The following FAM169A variants were observed in gnomAD, a reference collection of about 807,000 sequenced individuals.
FAM169A encodes the protein family with sequence similarity 169 member A.
A neutral mutation model predicts 75.7 loss-of-function variants in FAM169A; 24 were observed. The observed-to-expected ratio is 0.32, with a 90% CI of 0.23 to 0.45. The LOEUF (loss-of-function observed/expected upper bound fraction) is 0.45. FAM169A is among the 20% of genes least tolerant of loss of function. The pLI, the probability that FAM169A is intolerant of heterozygous loss-of-function variation, is 1.00. For missense variants in FAM169A, 673 were observed against 784.0 expected, an observed-to-expected ratio of 0.86 and a Z score of 1.69; for synonymous variants, 271 against 271.0, an observed-to-expected ratio of 1.00 and a Z score of 0.00.
chr5:74,854,447 C>A (rs1749605274), intron 1 of FAM169A, among the ~76,000 whole-genome samples: 1 of 152,062 alleles, frequency 6.6e-6, no homozygotes, highest in Non-Finnish European at 1.5e-5. Context: ...AGGCATTTAT[C>A]CTTTGTGTTA....
At chr5:74,814,207 G>T (rs569005366) in intron 5 of FAM169A, among the ~76,000 whole-genome samples, 188 bp from the exon 6 acceptor site, 4 of 152,198 alleles carry the variant, frequency 2.6e-5, no homozygotes, top group Admixed American at 1.3e-4. Context: ...ATGTGATAAT[G>T]AAAGGAGCTA....
At chr5:74,814,094 C>A in intron 5 of FAM169A, 75 bp from the exon 6 acceptor site, 1 of 1,230,264 alleles carries the variant, frequency 8.1e-7, no homozygotes, top group Non-Finnish European at 1.1e-6. Flanking sequence ...CATGAGTTAA[C>A]AGTCTTTCTA....
At chr5:74,861,114 T>C (rs961480362) in intron 1 of FAM169A, among the ~76,000 whole-genome samples, 3 of 152,216 alleles carry the variant, frequency 2.0e-5, no homozygotes, top group Non-Finnish European at 4.4e-5. Flanking sequence ...CCATCCTGGG[T>C]GACAGAGTGA....
rs188933905 is a variant in FAM169A at position 74,803,064 on chromosome 5, A to G, written c.912+1429T>C. ...TTCCTTCAACTATTTAAAACATTAAAGTAATATGAAGAATATGAATTTCTA... is the reference window on the plus strand; with the variant it reads ...TTCCTTCAACTATTTAAAACATTAAGGTAATATGAAGAATATGAATTTCTA... On this transcript the variant is annotated intron_variant, in intron 8 of 12. Coordinates refer to ENST00000687041, the MANE Select transcript of FAM169A (RefSeq NM_001376049.1). Among the ~76,000 whole-genome samples, 238 of 152,222 alleles carry G rather than the reference A, an allele frequency of 1.6e-3. 3 individuals carry two copies. The highest frequency in any genetic ancestry group is 4.0e-4 in the Non-Finnish European group (27 of 67,976).
intron 4 of FAM169A, among the ~76,000 whole-genome samples, chr5:74,837,231 A>G (rs569442167): frequency 8.2e-4 from 125 of 152,216 alleles, no homozygotes; most frequent in African/African-American, 2.9e-3. Flanking sequence ...ACTTCTTTTC[A>G]CTATCAGAAC....
Position 74,840,087 on chromosome 5 carries a change from T to C in FAM169A, c.219A>G (p.Glu73=). The C allele has an allele frequency of 6.4e-7, 1 of 1,568,396 alleles. No homozygotes were observed. Among genetic ancestry groups the C allele is most frequent in the Non-Finnish European group, 8.7e-7 (1 of 1,151,916 alleles). Residue 73 remains glutamate, a synonymous_variant, in exon 3 of 13, where the codon GAA becomes GAG. Coordinates refer to ENST00000687041, the MANE Select transcript of FAM169A (RefSeq NM_001376049.1). ...TQKILALFAP[E]DSLTAVALYL... ...GCAAAAAGAGACCTGTCAGTGAATC[T>C]TCAGGTGCAAAGAGAGCAAGAATTT...
intron 5 of FAM169A, among the ~76,000 whole-genome samples, chr5:74,827,292 A>G (rs1039477038): frequency 1.3e-5 from 2 of 152,184 alleles, no homozygotes; most frequent in African/African-American, 4.8e-5. Flanking sequence ...TAGAAACTAT[A>G]ATCAATCTGG....
intron 1 of FAM169A, among the ~76,000 whole-genome samples, chr5:74,849,457 C>G: frequency 6.6e-6 from 1 of 151,580 alleles, no homozygotes; most frequent in Non-Finnish European, 1.5e-5. Context: ...AGAGGCAGAC[C>G]CAAAAAGAAG....
chr5:74,863,135 G>A (rs946656819), intron 1 of FAM169A, among the ~76,000 whole-genome samples: 1 of 151,776 alleles, frequency 6.6e-6, no homozygotes, highest in South Asian at 2.1e-4. Context: ...GCATGTAAAC[G>A]TTAAGGTATC....
intron 11 of FAM169A, among the ~76,000 whole-genome samples, chr5:74,794,513 T>G (rs1746159351): frequency 6.7e-6 from 1 of 150,362 alleles, no homozygotes; most frequent in African/African-American, 2.5e-5. Context: ...GATCAGGAGT[T>G]CAAGACCAGC....
chr5:74,834,275 T>C (rs879027641), intron 5 of FAM169A, 151 bp downstream of exon 5: 60 of 428,244 alleles, frequency 1.4e-4, no homozygotes, highest in Admixed American at 1.1e-3. Context: ...TGTCATAGGA[T>C]GGTAGAATCA....
At chr5:74,799,846 A>G in intron 10 of FAM169A, 1 of 1,030,194 alleles carries the variant, frequency 9.7e-7, no homozygotes, top group South Asian at 1.3e-5. Context: ...TTTGTCTCCA[A>G]GTTAGACATT....
chr5:74,848,222 C>G (rs1749257728), intron 1 of FAM169A, among the ~76,000 whole-genome samples: 1 of 152,086 alleles, frequency 6.6e-6, no homozygotes, highest in African/African-American at 2.4e-5. Context: ...AAATCAGTAA[C>G]AGCAGCAGGT....
At chr5:74,855,373 T>A (rs1327662203) in intron 1 of FAM169A, among the ~76,000 whole-genome samples, 2 of 152,128 alleles carry the variant, frequency 1.3e-5, no homozygotes, top group African/African-American at 2.4e-5. Context: ...TTTTTTGGTA[T>A]TTTTTGTAGA....
intron 6 of FAM169A, among the ~76,000 whole-genome samples, chr5:74,812,262 T>C (rs1747236372): frequency 6.6e-6 from 1 of 151,980 alleles, no homozygotes; most frequent in Non-Finnish European, 1.5e-5. Flanking sequence ...TAACCGGGAC[T>C]ACAGGCACAA....
chr5:74,794,545 C>T (rs757975133), intron 11 of FAM169A, among the ~76,000 whole-genome samples: 56 of 151,336 alleles, frequency 3.7e-4, no homozygotes, highest in Non-Finnish European at 7.5e-4. Flanking sequence ...GGTGAAACCC[C>T]GTCTTGGCGG....
chr5:74,784,322 C>T (rs982335115), intron 11 of FAM169A, among the ~76,000 whole-genome samples: 9 of 151,334 alleles, frequency 5.9e-5, no homozygotes, highest in Non-Finnish European at 1.2e-4. Context: ...CCAGCATGGC[C>T]AATATGGTGA....
At chr5:74,858,180 G>GT (rs1263320216) in intron 1 of FAM169A, among the ~76,000 whole-genome samples, 1 of 151,874 alleles carries the variant, frequency 6.6e-6, no homozygotes, top group Non-Finnish European at 1.5e-5. Context: ...GAGATCAGGA[G>GT]TTTGAGACCA....
chr5:74,846,825 G>A (rs555569862), intron 1 of FAM169A, among the ~76,000 whole-genome samples: 1 of 152,276 alleles, frequency 6.6e-6, no homozygotes, highest in East Asian at 1.9e-4. Flanking sequence ...AGCCTCCAGT[G>A]TGATTATGTG....
Sources: allele counts gnomAD v4.1 joint callset (sites outside exome capture counted in the v4.1 genomes callset), GRCh38; gene constraint gnomAD v4.1.1; transcripts MANE v1.5; gene names NCBI Gene and HGNC (gene_info 2026-07-23, HGNC 2026-07-21).